Variants in SUMF1 observed in about 807,000 individuals in gnomAD.
SUMF1 encodes formylglycine-generating enzyme.
A neutral mutation model predicts 47.6 loss-of-function variants in SUMF1; 48 were observed. That is an observed-to-expected ratio of 1.01 (90% CI 0.80 to 1.28). The LOEUF (loss-of-function observed/expected upper bound fraction) is 1.28. Ranked by LOEUF, SUMF1 falls within the 50% of genes most tolerant of loss-of-function variation. The pLI, the probability that SUMF1 is intolerant of heterozygous loss-of-function variation, is 0.00. For synonymous variants in SUMF1, 230 were observed against 192.1 expected (o/e 1.20, Z -1.63); for missense variants, 571 against 485.4 (o/e 1.18, Z -1.66).
intron 8 of SUMF1, among the ~76,000 whole-genome samples, chr3:4,199,863 G>A (rs1016574399): frequency 3.3e-5 from 5 of 152,056 alleles, no homozygotes; most frequent in African/African-American, 1.2e-4. Context: ...TTTCGTACCT[G>A]GACATAAGTC....
At chr3:4,406,570 G>A (rs1392600804) in intron 7 of SUMF1, among the ~76,000 whole-genome samples, 2 of 152,192 alleles carry the variant, frequency 1.3e-5, no homozygotes, top group Admixed American at 6.5e-5. Flanking sequence ...TGAGGCTGAA[G>A]AATTGCCTGT....
At chr3:4,381,141 T>C (rs1700491085) in intron 7 of SUMF1, among the ~76,000 whole-genome samples, 1 of 151,756 alleles carries the variant, frequency 6.6e-6, no homozygotes, top group African/African-American at 2.4e-5. Flanking sequence ...GGATGGAGAG[T>C]GTGACAAATT....
At chr3:4,250,690 C>T (rs1028421157) in intron 8 of SUMF1, among the ~76,000 whole-genome samples, 1 of 152,036 alleles carries the variant, frequency 6.6e-6, no homozygotes, top group Admixed American at 6.6e-5. Context: ...TGCTCATTGA[C>T]CATTCTGAAA....
chr3:4,158,414 G>A (rs536875227), intron 8 of SUMF1, among the ~76,000 whole-genome samples: 1 of 151,456 alleles, frequency 6.6e-6, no homozygotes, highest in East Asian at 1.9e-4. Context: ...GGAGAAGAAT[G>A]TATATTCTGC....
chr3:4,094,624 AC>A (rs1050596601), intron 8 of SUMF1, among the ~76,000 whole-genome samples: 3 of 151,914 alleles, frequency 2.0e-5, no homozygotes, highest in African/African-American at 7.3e-5. Context: ...TGTTAACAGC[AC>A]CCCAGCTTCA....
At chr3:4,457,058 G>GTGTGTA (rs1288624965) in intron 1 of SUMF1, among the ~76,000 whole-genome samples, 1 of 86,046 alleles carries the variant, frequency 1.2e-5, no homozygotes, top group African/African-American at 3.3e-5. Flanking sequence ...ATACGTGTGT[G>GTGTGTA]TATATATATA....
chr3:4,269,065 G>A (rs959584705), intron 8 of SUMF1, among the ~76,000 whole-genome samples: 6 of 151,996 alleles, frequency 3.9e-5, no homozygotes, highest in African/African-American at 1.4e-4. Flanking sequence ...ACATACCTCT[G>A]GAAACACCAC....
chr3:4,040,088 C>G (rs1559419549), intron 9 of SUMF1, among the ~76,000 whole-genome samples: 1 of 151,896 alleles, frequency 6.6e-6, no homozygotes. Flanking sequence ...ACCACACACA[C>G]AAAAGAGAGA....
At chr3:4,466,223 T>C (rs1052637073) in intron 1 of SUMF1, among the ~76,000 whole-genome samples, 25 of 152,180 alleles carry the variant, frequency 1.6e-4, no homozygotes, top group Admixed American at 1.3e-4. Flanking sequence ...GCAATTCTCC[T>C]GCCTCAGCCT....
At chr3:4,082,618 T>C (rs1055561730) in intron 8 of SUMF1, among the ~76,000 whole-genome samples, 1 of 152,276 alleles carries the variant, frequency 6.6e-6, no homozygotes, top group Admixed American at 6.5e-5. Flanking sequence ...TGAAAGAGAT[T>C]AGTCAAAATG....
At chr3:4,160,865 A>C (rs980224376) in intron 8 of SUMF1, among the ~76,000 whole-genome samples, 1 of 152,076 alleles carries the variant, frequency 6.6e-6, no homozygotes, top group African/African-American at 2.4e-5. Flanking sequence ...GTTTTCCTAC[A>C]TGGCCTTGAT....
chr3:4,293,428 C>T (rs890825368), intron 8 of SUMF1, among the ~76,000 whole-genome samples: 2 of 152,132 alleles, frequency 1.3e-5, no homozygotes, highest in African/African-American at 4.8e-5. Context: ...AGTTTGTTGC[C>T]TCCATTCACT....
At chr3:4,285,578 A>C (rs1324607057) in intron 8 of SUMF1, among the ~76,000 whole-genome samples, 1 of 152,146 alleles carries the variant, frequency 6.6e-6, no homozygotes, top group Non-Finnish European at 1.5e-5. Context: ...TAATATTAAC[A>C]ATTCTTCTCT....
chr3:4,155,834 C>G (rs1380906028), intron 8 of SUMF1, among the ~76,000 whole-genome samples: 1 of 150,926 alleles, frequency 6.6e-6, no homozygotes, highest in East Asian at 1.9e-4. Flanking sequence ...CAAATTAAAC[C>G]CAGGACCAAA....
At chr3:4,358,671 GT>G (rs1226162891), downstream of SUMF1, among the ~76,000 whole-genome samples, 23 of 152,198 alleles carry the variant, frequency 1.5e-4, 1 homozygote, top group African/African-American at 5.1e-4. Flanking sequence ...GATTTATTTA[GT>G]GGCTTCAAGA....
intron 8 of SUMF1, among the ~76,000 whole-genome samples, chr3:4,181,859 G>C (rs1695103747): frequency 6.6e-6 from 1 of 152,124 alleles, no homozygotes; most frequent in Non-Finnish European, 1.5e-5. Flanking sequence ...GCACTACATG[G>C]ACCTGAGGCT....
chr3:4,229,584 C>A (rs1696252298), intron 8 of SUMF1, among the ~76,000 whole-genome samples: 1 of 152,062 alleles, frequency 6.6e-6, no homozygotes, highest in Non-Finnish European at 1.5e-5. Context: ...TAGCATAATG[C>A]CTGACACACA....
intron 8 of SUMF1, among the ~76,000 whole-genome samples, chr3:4,235,425 C>T (rs1387587267): frequency 6.6e-6 from 1 of 151,884 alleles, no homozygotes; most frequent in Non-Finnish European, 1.5e-5. Context: ...TGGGAGTCAC[C>T]AGCATATCAA....
intron 8 of SUMF1, among the ~76,000 whole-genome samples, chr3:4,179,831 TCAAA>T (rs1486830020): frequency 1.3e-5 from 2 of 151,876 alleles, no homozygotes; most frequent in African/African-American, 2.4e-5. Flanking sequence ...TACAATGAAC[TCAAA>T]CAAATTTACA....
Sources: allele counts gnomAD v4.1 joint callset (sites outside exome capture counted in the v4.1 genomes callset), GRCh38; gene constraint gnomAD v4.1.1; transcripts MANE v1.5; gene names NCBI Gene and HGNC (gene_info 2026-07-23, HGNC 2026-07-21).